Variants in MARVELD2 observed in about 807,000 individuals in gnomAD.
MARVELD2 encodes the protein MARVEL domain containing 2, also known as MARVEL domain-containing protein 2.
MARVELD2 carries 49 observed loss-of-function variants against 57.6 expected under a neutral mutation model. That is an observed-to-expected ratio of 0.85 (90% CI 0.68 to 1.08). The LOEUF is 1.08. Ranked by LOEUF, MARVELD2 falls within the 50% of genes least tolerant of loss-of-function variation. MARVELD2 has a pLI of 0.00. For synonymous variants in MARVELD2, 238 were observed against 258.8 expected, an observed-to-expected ratio of 0.92 and a Z score of 0.77; for missense variants, 606 against 701.1, an observed-to-expected ratio of 0.86 and a Z score of 1.53.
intron 1 of MARVELD2, chr5:69,415,689 A>T (rs1385237754): frequency 2.6e-5 from 4 of 152,150 alleles, no homozygotes; most frequent in African/African-American, 9.7e-5. Flanking sequence ...TCCGAAATCT[A>T]CCCGTTTCTT....
chr5:69,428,621 TAGGGATGGGCAAG>T (rs1766867074), intron 3 of MARVELD2, among the ~76,000 whole-genome samples: 3 of 39,482 alleles, frequency 7.6e-5, no homozygotes, highest in African/African-American at 2.6e-4. Context: ...GTCTTACAAT[TAGGGATGGGCAAG>T]TAAGAAAAAT....
chr5:69,420,391 C>G lies in MARVELD2; in HGVS notation c.1006C>G (p.Arg336Gly). Reference protein sequence around the residue: ...FNTPVNAVFCRVEGGQIAAMI... With the variant: ...FNTPVNAVFCGVEGGQIAAMI... ...TACACCAGTGAATGCAGTGTTCTGC[C>G]GGGTAGAAGGAGGACAGATAGCTGC... The change falls in exon 2 of 7, where the codon CGG becomes GGG. Residue 336 changes from arginine to glycine, a missense_variant. By Grantham distance (125) the Arg-to-Gly change is moderately radical (BLOSUM62 -2). Transcript: ENST00000325631. The G allele has an allele frequency of 1.2e-6, 2 of 1,614,020 alleles. No individual in the cohort carries two copies. Among genetic ancestry groups the G allele is most frequent in the Non-Finnish European group, 1.7e-6 (2 of 1,180,018 alleles).
At chr5:69,430,082 T>G (rs1467658403) in intron 3 of MARVELD2, among the ~76,000 whole-genome samples, 1 of 151,082 alleles carries the variant, frequency 6.6e-6, no homozygotes, top group African/African-American at 2.4e-5. Context: ...ATTTTTTATT[T>G]TTTGGCCAGG....
intron 5 of MARVELD2, among the ~76,000 whole-genome samples, chr5:69,434,216 C>T (rs1767063527): frequency 6.6e-6 from 1 of 152,076 alleles, no homozygotes; most frequent in African/African-American, 2.4e-5. Context: ...GTAATCCCAA[C>T]ACTTTAAGAG....
chr5:69,417,385 C>G (rs1766462196), intron 1 of MARVELD2, among the ~76,000 whole-genome samples: 1 of 152,214 alleles, frequency 6.6e-6, no homozygotes, highest in Non-Finnish European at 1.5e-5. Flanking sequence ...GGATTTCAGT[C>G]TGGTTTGTCC....
chr5:69,441,704 A>T lies in MARVELD2; in HGVS notation c.*50A>T. Reference sequence around the variant, plus strand: ...TTTTATTTTATTTTATTTTTTTGAGATGAAGTCTCGCTCTGTTACCCAGGC... The same window carrying T: ...TTTTATTTTATTTTATTTTTTTGAGTTGAAGTCTCGCTCTGTTACCCAGGC... On this transcript the variant is annotated 3_prime_UTR_variant, in exon 7 of 7. Transcript: ENST00000325631. 1 of 1,330,110 alleles carries T rather than the reference A, an allele frequency of 7.5e-7. No individual in the cohort carries two copies. The highest frequency in any genetic ancestry group is 1.0e-6 in the Non-Finnish European group (1 of 952,788). The allele number at this position is 1,330,110 out of a possible 1,614,324, so 82.4% of individuals were successfully genotyped here.
At chr5:69,425,027 A>AG (rs1326364947) in intron 3 of MARVELD2, among the ~76,000 whole-genome samples, 1 of 151,382 alleles carries the variant, frequency 6.6e-6, no homozygotes, top group Non-Finnish European at 1.5e-5. Flanking sequence ...TGTTTAAAAA[A>AG]AGAAAAGAAA....
rs370998065 is a variant in MARVELD2 at position 69,424,643 on chromosome 5, A to C, written c.1182+7A>C. 2.1e-5 allele frequency: 33 copies of C among 1,588,174 alleles called. No individual in the cohort carries two copies. Among genetic ancestry groups the C allele is most frequent in the Non-Finnish European group, 2.9e-5 (33 of 1,156,096 alleles). On this transcript the variant is annotated splice_region_variant and intron_variant, in intron 3 of 6. Coordinates refer to ENST00000325631, the MANE Select transcript of MARVELD2 (RefSeq NM_001038603.3). Reference sequence around the variant, plus strand: ...GTCATCGAAAAGGAAAATGGTAAGAATAAAGTTTACTTCATATTATGCTTT... The same window carrying C: ...GTCATCGAAAAGGAAAATGGTAAGACTAAAGTTTACTTCATATTATGCTTT...
At chr5:69,420,589 C>A in intron 2 of MARVELD2, 58 bp downstream of exon 2, 1 of 1,514,320 alleles carries the variant, frequency 6.6e-7, no homozygotes, top group Non-Finnish European at 9.1e-7. Context: ...CTGTTATTTG[C>A]TCCCTTGTTA....
intron 5 of MARVELD2, among the ~76,000 whole-genome samples, chr5:69,433,365 A>G (rs971114562): frequency 2.0e-5 from 3 of 151,022 alleles, no homozygotes; most frequent in South Asian, 2.1e-4. Flanking sequence ...CGGTTTTGCC[A>G]TGTTGGCCAA....
chr5:69,434,422 A>G, intron 5 of MARVELD2, among the ~76,000 whole-genome samples: 1 of 151,286 alleles, frequency 6.6e-6, no homozygotes, highest in East Asian at 1.9e-4. Context: ...TTTTGTCACT[A>G]CACTCCAGCC....
intron 2 of MARVELD2, 142 bp from the exon 3 acceptor site, chr5:69,424,459 C>A: frequency 1.4e-6 from 1 of 705,964 alleles, no homozygotes; most frequent in South Asian, 1.5e-5. Context: ...AAAACCTAGG[C>A]AAAAAAAGGA....
chr5:69,431,639 T>C (rs2150925533), intron 3 of MARVELD2, among the ~76,000 whole-genome samples: 1 of 152,184 alleles, frequency 6.6e-6, no homozygotes, highest in African/African-American at 2.4e-5. Context: ...ACCTTTGACA[T>C]GTACACGATT....
chr5:69,416,930 C>T (rs944780233), intron 1 of MARVELD2, among the ~76,000 whole-genome samples: 3 of 152,168 alleles, frequency 2.0e-5, no homozygotes, highest in African/African-American at 7.2e-5. Context: ...TCAGAATCCT[C>T]CAGTGGCTTC....
intron 3 of MARVELD2, among the ~76,000 whole-genome samples, chr5:69,426,616 A>G (rs533283642): frequency 3.3e-5 from 5 of 152,206 alleles, no homozygotes; most frequent in African/African-American, 1.2e-4. Flanking sequence ...TACAGGCGTG[A>G]GTCACCGCGC....
chr5:69,415,380 G>A (rs1766363791), intron 1 of MARVELD2: 1 of 152,202 alleles, frequency 6.6e-6, no homozygotes, highest in African/African-American at 2.4e-5. Context: ...GTCCTTCCGG[G>A]CGCGGGGCGG....
intron 3 of MARVELD2, among the ~76,000 whole-genome samples, chr5:69,431,792 C>T (rs1254795184): frequency 7.0e-6 from 1 of 142,268 alleles, no homozygotes; most frequent in Non-Finnish European, 1.5e-5. Context: ...TTCCACTTTT[C>T]TTCCTCCTGT....
At chr5:69,421,675 T>C (rs373837370) in intron 2 of MARVELD2, among the ~76,000 whole-genome samples, 127 of 152,232 alleles carry the variant, frequency 8.3e-4, no homozygotes, top group African/African-American at 3.0e-3. Flanking sequence ...TTGTCCAGGC[T>C]GGTCTCAAAC....
At chr5:69,415,381 C>CGCGGG (rs1285107701) in intron 1 of MARVELD2, 5 of 152,030 alleles carry the variant, frequency 3.3e-5, no homozygotes, top group Non-Finnish European at 7.4e-5. Context: ...TCCTTCCGGG[C>CGCGGG]GCGGGGCGGG....
Sources: allele counts gnomAD v4.1 joint callset (sites outside exome capture counted in the v4.1 genomes callset), GRCh38; gene constraint gnomAD v4.1.1; transcripts MANE v1.5; gene names NCBI Gene and HGNC (gene_info 2026-07-23, HGNC 2026-07-21).